Variants in RHOT2 observed in about 807,000 individuals in gnomAD.
RHOT2 encodes the protein ras homolog family member T2.
RHOT2 carries 90 observed loss-of-function variants against 81.6 expected under a neutral mutation model. The observed-to-expected ratio is 1.10, with a 90% CI of 0.93 to 1.31. The LOEUF (loss-of-function observed/expected upper bound fraction) is 1.31, where lower values mean the gene tolerates loss of function less well. RHOT2 is among the 40% of genes most tolerant of loss of function. RHOT2 has a pLI of 0.00. For missense variants in RHOT2, 1,014 were observed against 841.9 expected (o/e 1.20, Z -2.53); for synonymous variants, 512 against 370.9 (o/e 1.38, Z -4.37).
Position 673,749 on chromosome 16 carries a change from C to A in RHOT2, c.*143C>A. On this transcript the variant is annotated 3_prime_UTR_variant, in exon 19 of 19. Transcript: ENST00000315082. ...GGGACTTTTTGTTTCTGAAGGCAGT[C>A]GATCTGCAGCGGGGCCTTATGCTGC... The A allele has an allele frequency of 4.9e-6, 5 of 1,016,466 alleles. No homozygotes were observed. The highest frequency in any genetic ancestry group is 6.5e-4 in the Middle Eastern group (2 of 3,090). 63.0% of individuals were successfully genotyped at this position (1,016,466 alleles called of 1,614,324 possible).
chr16:669,919 G>A, intron 5 of RHOT2: 1 of 613,392 alleles, frequency 1.6e-6, no homozygotes, highest in Non-Finnish European at 2.8e-6. Flanking sequence ...TGACTTGGGG[G>A]TGTTTGGGAG....
At chr16:670,015 G>A in intron 5 of RHOT2, 108 bp from the exon 6 acceptor site, 2 of 1,058,686 alleles carry the variant, frequency 1.9e-6, no homozygotes, top group Non-Finnish European at 2.7e-6. Context: ...TGGGCCCTCA[G>A]TGGGCCTTGA....
At chr16:673,248 C>G in intron 18 of RHOT2, 118 bp downstream of exon 18, 1 of 1,310,476 alleles carries the variant, frequency 7.6e-7, no homozygotes, top group Non-Finnish European at 1.1e-6. Flanking sequence ...GAGCAGTGGG[C>G]AGCAGTGGCG....
chr16:670,085 C>T (rs780305783), intron 5 of RHOT2, 38 bp from the exon 6 acceptor site: 12 of 1,527,658 alleles, frequency 7.9e-6, no homozygotes, highest in Middle Eastern at 1.9e-4. Flanking sequence ...CATGTGCCCG[C>T]GGGCAGCCTC....
chr16:668,868 C>T lies in RHOT2; in HGVS notation c.222+169C>T, dbSNP rs1236740417. 1.7e-5 allele frequency: 11 copies of T among 637,604 alleles called. No homozygotes were observed. The East Asian group carries it at 3.0e-4, about 17-fold the overall frequency. The allele number at this position is 637,604 out of a possible 1,614,324, so 39.5% of individuals were successfully genotyped here. On this transcript the variant is annotated intron_variant, in intron 4 of 18. Transcript: ENST00000315082. ...CCCTACAGCGCACCCCGCTGGGAGC[C>T]GGCACCGCTCAGTCCAGTGGTGCTC...
Position 673,691 on chromosome 16 carries a change from G to A in RHOT2, c.*85G>A. ...CAGGGGCAGCACAGCTGGGGTGCAG[G>A]CCAGGCTGCCACTCCGGGAACGCCT... On this transcript the variant is annotated 3_prime_UTR_variant, in exon 19 of 19. Coordinates refer to ENST00000315082, the MANE Select transcript of RHOT2 (RefSeq NM_138769.3). The A allele has an allele frequency of 6.7e-7, 1 of 1,502,322 alleles. No homozygotes were observed. Among genetic ancestry groups the A allele is most frequent in the South Asian group, 1.3e-5 (1 of 78,610 alleles). The allele number at this position is 1,502,322 out of a possible 1,614,324, so 93.1% of individuals were successfully genotyped here. A position where few individuals can be genotyped will look rare whatever the true frequency, so the allele number is the denominator to read the frequency against.
At chr16:670,085 C>G (rs780305783) in intron 5 of RHOT2, 38 bp from the exon 6 acceptor site, 1 of 1,527,658 alleles carries the variant, frequency 6.5e-7, no homozygotes, top group Non-Finnish European at 8.8e-7. Context: ...CATGTGCCCG[C>G]GGGCAGCCTC....
At chr16:673,257 C>T (rs545607424) in intron 18 of RHOT2, 127 bp downstream of exon 18, 19 of 1,285,008 alleles carry the variant, frequency 1.5e-5, no homozygotes, top group Middle Eastern at 2.3e-4. Context: ...GCAGCAGTGG[C>T]GTCAGGCCTG....
At chr16:669,163 G>T (rs569333324) in intron 4 of RHOT2, 22 of 395,490 alleles carry the variant, frequency 5.6e-5, no homozygotes, top group Middle Eastern at 7.1e-4. Context: ...TGTAGCGAGG[G>T]GGGAGGCAGG....
chr16:670,276 G>A lies in RHOT2; in HGVS notation c.357G>A (p.Lys119=). Reference sequence around the variant, plus strand: ...TGCCCATCATCCTAGTGGGCAACAAGTCAGACCTGCGGTCGGGGAGCTCCA... The same window carrying A: ...TGCCCATCATCCTAGTGGGCAACAAATCAGACCTGCGGTCGGGGAGCTCCA... ...PRVPIILVGN[K]SDLRSGSSME... Residue 119 remains lysine, a synonymous_variant, in exon 7 of 19, where the codon AAG becomes AAA. Coordinates refer to ENST00000315082, the MANE Select transcript of RHOT2 (RefSeq NM_138769.3). The A allele has an allele frequency of 6.2e-7, 1 of 1,612,788 alleles. No individual in the cohort carries two copies. Among genetic ancestry groups the A allele is most frequent in the Admixed American group, 1.7e-5 (1 of 60,016 alleles).
At chr16:668,862 G>A (rs2071830) in intron 4 of RHOT2, 163 bp downstream of exon 4, 108,342 of 668,074 alleles carry the variant, frequency 0.16, 11,595 homozygotes, top group African/African-American at 0.43. Context: ...GCACCCCGCT[G>A]GGAGCCGGCA....
chr16:669,880 T>A, intron 5 of RHOT2: 1 of 612,210 alleles, frequency 1.6e-6, no homozygotes, highest in Middle Eastern at 4.4e-4. Flanking sequence ...AGGGCCTGCG[T>A]TGGGGGCGGC....
intron 9 of RHOT2, 52 bp from the exon 10 acceptor site, chr16:670,840 G>A (rs1467935683): frequency 6.3e-6 from 10 of 1,594,700 alleles, no homozygotes; most frequent in Admixed American, 1.7e-5. Context: ...TGACTGGAAC[G>A]GGTCGTCTCC....
Position 671,960 on chromosome 16 carries a change from A to G in RHOT2, c.1055A>G (p.Glu352Gly). 6.2e-7 allele frequency: 1 copy of G among 1,612,226 alleles called. No homozygotes were observed. Among genetic ancestry groups the G allele is most frequent in the Non-Finnish European group, 8.5e-7 (1 of 1,179,798 alleles). The part of the protein sequence containing the change: ...GPELPRTVRT[E>G]AGRLPLHGYL... ...GAGCTCCCACGCACAGTCCGCACAG[A>G]GGCCGGCCGGTTGCCCCTGCACGGA... Residue 352 changes from glutamate to glycine, a missense_variant, in exon 13 of 19, where the codon GAG (glutamate) becomes GGG (glycine). Glu to Gly is a moderately conservative substitution (Grantham distance 98). Transcript: ENST00000315082.
chr16:672,228 G>C, intron 14 of RHOT2, 26 bp from the exon 15 acceptor site: 2 of 1,611,764 alleles, frequency 1.2e-6, no homozygotes, highest in East Asian at 2.2e-5. Context: ...CCTGGCAGCT[G>C]CCCTAACCCG....
In RHOT2 at chr16:671,725, G is replaced by C. The variant is rs1479966701; in HGVS notation, c.898G>C (p.Glu300Gln). ...LIHVPPGCST[E>Q]LNHLGYQFVQ... ...CCACGTGCCCCCCGGCTGCAGCACG[G>C]AGCTCAACCACCTTGGCTACCAGTT... is the stretch of plus-strand genomic sequence containing the variant. The change falls in exon 12 of 19, where the codon GAG (glutamate) becomes CAG (glutamine). Residue 300 changes from glutamate to glutamine, a missense_variant. Coordinates refer to ENST00000315082, the MANE Select transcript of RHOT2 (RefSeq NM_138769.3). The C allele has an allele frequency of 6.2e-7, 1 of 1,612,496 alleles. No homozygotes were observed. Among genetic ancestry groups the C allele is most frequent in the South Asian group, 1.1e-5 (1 of 91,088 alleles).
At position 668,242 on chromosome 16, in the gene RHOT2, C is replaced by A; in HGVS notation, c.37+6C>A. 1 of 710,644 alleles carries A rather than the reference C, an allele frequency of 1.4e-6. No individual in the cohort carries two copies. The highest frequency in any genetic ancestry group is 3.8e-4 in the Middle Eastern group (1 of 2,620). 44.0% of individuals were successfully genotyped at this position (710,644 alleles called of 1,614,324 possible). On this transcript the variant is annotated splice_donor_region_variant and intron_variant, in intron 1 of 18. Transcript: ENST00000315082. ...CATCCTGTTACTGGGCGAGGGTAGG[C>A]GCCGGCCCGGGGGTCTCGGAGCTGC...
chr16:672,237 C>G lies in RHOT2; in HGVS notation c.1196-17C>G, dbSNP rs761219928. The G allele has an allele frequency of 6.2e-7, 1 of 1,611,402 alleles. No homozygotes were observed. Among genetic ancestry groups the G allele is most frequent in the Non-Finnish European group, 8.5e-7 (1 of 1,179,002 alleles). On this transcript the variant is annotated splice_polypyrimidine_tract_variant and intron_variant, in intron 14 of 18. Coordinates refer to ENST00000315082, the MANE Select transcript of RHOT2 (RefSeq NM_138769.3). Reference sequence around the variant, plus strand: ...CAGTATCCTGGCAGCTGCCCTAACCCGTGTCTATCCTCACAGTCACTCGTG... The same window carrying G: ...CAGTATCCTGGCAGCTGCCCTAACCGGTGTCTATCCTCACAGTCACTCGTG...
At position 672,289 on chromosome 16, in the gene RHOT2, C is replaced by G; in HGVS notation, c.1231C>G (p.Gln411Glu). The change falls in exon 15 of 19, where the codon CAG becomes GAG. Residue 411 changes from glutamine (Q) to glutamate (E), a missense_variant. Transcript: ENST00000315082. ...REKRLDQEKG[Q>E]TQRSVLLCKV... ...GAAGAGGCTGGACCAGGAGAAGGGA[C>G]AGACGCAGCGGAGCGTCCTCCTGTG... The G allele has an allele frequency of 6.2e-7, 1 of 1,612,206 alleles. No homozygotes were observed. Among genetic ancestry groups the G allele is most frequent in the Non-Finnish European group, 8.5e-7 (1 of 1,179,598 alleles).
Sources: gnomAD v4.1 joint callset for allele counts on GRCh38, gnomAD v4.1.1 for gene constraint, MANE v1.5 for transcripts, NCBI Gene and HGNC (gene_info 2026-07-23, HGNC 2026-07-21) for gene names.